SPECC1: variants seen among roughly 807,000 people sequenced by gnomAD.
The protein encoded by SPECC1 is cytospin-B.
SPECC1 carries 62 observed loss-of-function variants against 104.1 expected under a neutral mutation model. The observed-to-expected ratio is 0.60, with a 90% CI of 0.49 to 0.74. The LOEUF is 0.74. Ranked by LOEUF, SPECC1 falls within the 30% of genes least tolerant of loss-of-function variation. The pLI, the probability that SPECC1 is intolerant of heterozygous loss-of-function variation, is 0.00. For synonymous variants in SPECC1, 513 were observed against 501.6 expected (o/e 1.02, Z -0.30); for missense variants, 1,306 against 1,310.5 (o/e 1.00, Z 0.05).
At chr17:20,194,212 C>T (rs1056693609) in intron 3 of SPECC1, among the ~76,000 whole-genome samples, 3 of 152,266 alleles carry the variant, frequency 2.0e-5, no homozygotes, top group African/African-American at 2.4e-5. Context: ...TGAGCCCCAT[C>T]ATGGGTTTGT....
chr17:20,295,758 C>T (rs1203007816), intron 12 of SPECC1, among the ~76,000 whole-genome samples: 1 of 152,186 alleles, frequency 6.6e-6, no homozygotes, highest in Non-Finnish European at 1.5e-5. Flanking sequence ...ATTTGCATTT[C>T]TCTGATGGCC....
chr17:20,126,608 A>G (rs534180723), intron 3 of SPECC1: 1 of 152,332 alleles, frequency 6.6e-6, no homozygotes, highest in East Asian at 1.9e-4. Context: ...TTCCAAGCAG[A>G]CAGTCATATC....
rs201082655 is a variant in SPECC1, at chr17:20,203,506, A to T, written c.284-827A>T. On this transcript the variant is annotated intron_variant, in intron 3 of 14. Coordinates refer to ENST00000395527, the MANE Select transcript of SPECC1 (RefSeq NM_001243439.2). ...CTATATCATGTCAAGTAACATAGGT[A>T]TGTTCTTATTTCATTTATTCTTGTT... is the stretch of plus-strand genomic sequence containing the variant. Among the ~76,000 whole-genome samples, 3 of 152,314 alleles carry T rather than the reference A, an allele frequency of 2.0e-5. No individual in the cohort carries two copies. The East Asian group carries it at 5.8e-4, about 29-fold the overall frequency.
intron 2 of SPECC1, among the ~76,000 whole-genome samples, chr17:20,098,498 G>A (rs1449384918): frequency 6.6e-6 from 1 of 152,184 alleles, no homozygotes; most frequent in Admixed American, 6.6e-5. Flanking sequence ...CACTCAGAGT[G>A]AAAAGCAGAG....
At chr17:20,112,723 TA>T in intron 3 of SPECC1, 1 of 1,191,964 alleles carries the variant, frequency 8.4e-7, no homozygotes, top group Non-Finnish European at 1.3e-6. Flanking sequence ...CTTCCGGTCT[TA>T]AAGCCAATTT....
intron 9 of SPECC1, among the ~76,000 whole-genome samples, chr17:20,248,974 A>G (rs1319621942): frequency 3.9e-5 from 6 of 152,218 alleles, no homozygotes; most frequent in African/African-American, 9.6e-5. Context: ...TAAAACCCAT[A>G]GAAACATGGG....
intron 4 of SPECC1, among the ~76,000 whole-genome samples, chr17:20,219,493 G>C (rs1379689803): frequency 6.6e-6 from 1 of 152,032 alleles, no homozygotes; most frequent in Non-Finnish European, 1.5e-5. Flanking sequence ...TGTCTAGTAA[G>C]ATCTTTTGCC....
intron 12 of SPECC1, among the ~76,000 whole-genome samples, chr17:20,278,282 G>A (rs2151658668): frequency 6.6e-6 from 1 of 152,308 alleles, no homozygotes; most frequent in South Asian, 2.1e-4. Context: ...CCAGGCTTCT[G>A]TAAGTCATCA....
At chr17:20,217,997 G>A (rs1293670324) in intron 4 of SPECC1, among the ~76,000 whole-genome samples, 27 of 152,058 alleles carry the variant, frequency 1.8e-4, no homozygotes. Flanking sequence ...GTGCCACTGT[G>A]CTCCAGCCTG....
At chr17:20,247,368 C>T (rs2039463665) in intron 9 of SPECC1, 49 bp downstream of exon 9, 1 of 1,373,252 alleles carries the variant, frequency 7.3e-7, no homozygotes, top group African/African-American at 1.4e-5. Flanking sequence ...CTGTGTATCC[C>T]TCTAGATGTT....
chr17:20,206,591 T>TA (rs1860795131), intron 4 of SPECC1, among the ~76,000 whole-genome samples: 1 of 152,240 alleles, frequency 6.6e-6, no homozygotes, highest in African/African-American at 2.4e-5. Context: ...TTAATATAAA[T>TA]ATTTCATATT....
chr17:20,015,898 C>T (rs896816014), intron 1 of SPECC1, among the ~76,000 whole-genome samples: 1 of 146,812 alleles, frequency 6.8e-6, no homozygotes, highest in African/African-American at 2.5e-5. Flanking sequence ...GTTTCTACTT[C>T]TTAAAGTTTA....
intron 1 of SPECC1, among the ~76,000 whole-genome samples, chr17:20,010,692 C>A (rs535044251): frequency 1.9e-4 from 29 of 152,326 alleles, no homozygotes; most frequent in African/African-American, 6.7e-4. Flanking sequence ...AGATGTCTCT[C>A]ATGTTTTTAC....
intron 3 of SPECC1, 117 bp downstream of exon 3, chr17:20,110,679 C>T (rs889792879): frequency 8.8e-6 from 11 of 1,253,550 alleles, no homozygotes; most frequent in Non-Finnish European, 1.2e-5. Context: ...TGACCACTTA[C>T]CCTGGGCCGG....
Position 20,157,348 on chromosome 17 carries a change from G to A in SPECC1, c.283+46786G>A, listed in dbSNP as rs561494430. On this transcript the variant is annotated intron_variant, in intron 3 of 14. Transcript: ENST00000395527. ...CCAAGTTTCTTCACAGGAATACTAT[G>A]AAGAAAAATTTCAGGGGCCAGCTTA... 1.3e-4 allele frequency among the ~76,000 whole-genome samples: 20 copies of A among 152,096 alleles called. No individual in the cohort carries two copies. In the East Asian group the frequency reaches 2.1e-3, roughly 16 times the overall value.
chr17:20,017,221 T>G (rs1037900666), intron 1 of SPECC1: 1 of 152,230 alleles, frequency 6.6e-6, no homozygotes, highest in Non-Finnish European at 1.5e-5. Context: ...TTATTACTGC[T>G]CACTCTTTGG....
At chr17:20,102,726 ACT>A (rs2048001040) in intron 2 of SPECC1, among the ~76,000 whole-genome samples, 3 of 151,356 alleles carry the variant, frequency 2.0e-5, no homozygotes, top group Non-Finnish European at 4.4e-5. Context: ...GTTCTATTGT[ACT>A]CTCTGGAATC....
intron 1 of SPECC1, among the ~76,000 whole-genome samples, chr17:20,033,039 A>T (rs1261306582): frequency 6.7e-6 from 1 of 150,158 alleles, no homozygotes; most frequent in East Asian, 2.0e-4. Context: ...ATCTCGGCTC[A>T]CTGCAACCTC....
At chr17:20,290,919 A>G (rs2041142450) in intron 12 of SPECC1, among the ~76,000 whole-genome samples, 1 of 152,220 alleles carries the variant, frequency 6.6e-6, no homozygotes, top group Non-Finnish European at 1.5e-5. Context: ...GCTTCTGAAG[A>G]TTTTGCAGAT....
Sources: allele counts gnomAD v4.1 joint callset (sites outside exome capture counted in the v4.1 genomes callset), GRCh38; gene constraint gnomAD v4.1.1; transcripts MANE v1.5; gene names NCBI Gene and HGNC (gene_info 2026-07-23, HGNC 2026-07-21).